The following MAPK10 variants were observed in gnomAD, a reference collection of about 807,000 sequenced individuals.
MAPK10 encodes the protein mitogen-activated protein kinase 10, also known as JNK3 alpha protein kinase.
Under a neutral mutation model 59.3 loss-of-function variants are expected in MAPK10, and 25 were observed. That is an observed-to-expected ratio of 0.42 (90% confidence interval 0.31 to 0.59). The LOEUF is 0.59. MAPK10 is among the 20% of genes least tolerant of loss of function. MAPK10 has a pLI of 0.15. For missense variants in MAPK10, 351 were observed against 568.9 expected, an observed-to-expected ratio of 0.62 and a Z score of 3.90; for synonymous variants, 190 against 200.5, an observed-to-expected ratio of 0.95 and a Z score of 0.44.
chr4:86,074,039 G>A (rs2149011171), intron 9 of MAPK10, among the ~76,000 whole-genome samples: 3 of 96,310 alleles, frequency 3.1e-5, no homozygotes, highest in African/African-American at 1.4e-4. Context: ...AAGTCTCTTT[G>A]TAGGTCACTC....
intron 1 of MAPK10, among the ~76,000 whole-genome samples, chr4:86,587,050 G>A (rs1310972268): frequency 1.3e-5 from 2 of 152,074 alleles, no homozygotes; most frequent in Non-Finnish European, 2.9e-5. Context: ...AAAAAATAGT[G>A]GCCTAAAGCT....
chr4:86,411,221 T>C (rs1745132684), intron 1 of MAPK10, among the ~76,000 whole-genome samples: 1 of 152,202 alleles, frequency 6.6e-6, no homozygotes, highest in Non-Finnish European at 1.5e-5. Flanking sequence ...TTGAGTGAGT[T>C]TCTTAATCCC....
At chr4:86,231,068 G>A (rs1198943481) in intron 2 of MAPK10, among the ~76,000 whole-genome samples, 3 of 152,140 alleles carry the variant, frequency 2.0e-5, no homozygotes, top group Admixed American at 2.0e-4. Context: ...CAAGACCAAC[G>A]CTAACAAGAA....
intron 2 of MAPK10, among the ~76,000 whole-genome samples, chr4:86,262,630 G>A (rs940727746): frequency 2.6e-5 from 4 of 152,098 alleles, no homozygotes; most frequent in African/African-American, 4.8e-5. Context: ...AGAATGTTTT[G>A]TTGAATAAAT....
chr4:86,569,424 T>C (rs1333542406), intron 1 of MAPK10, among the ~76,000 whole-genome samples: 1 of 152,128 alleles, frequency 6.6e-6, no homozygotes, highest in Non-Finnish European at 1.5e-5. Context: ...AGAACTGCCA[T>C]TTGATCCAGT....
chr4:86,480,587 G>T (rs1316729057), intron 1 of MAPK10, among the ~76,000 whole-genome samples: 1 of 152,110 alleles, frequency 6.6e-6, no homozygotes, highest in Non-Finnish European at 1.5e-5. Flanking sequence ...GACACAAAAT[G>T]AAGAAAAGAA....
At chr4:86,488,121 T>C (rs1006479543) in intron 1 of MAPK10, among the ~76,000 whole-genome samples, 1 of 152,072 alleles carries the variant, frequency 6.6e-6, no homozygotes, top group Non-Finnish European at 1.5e-5. Flanking sequence ...ACAGATTAGC[T>C]CACTGAAGGA....
chr4:86,279,138 G>C (rs950039399), intron 2 of MAPK10, among the ~76,000 whole-genome samples: 1 of 152,050 alleles, frequency 6.6e-6, no homozygotes, highest in Non-Finnish European at 1.5e-5. Flanking sequence ...TAAATTTTAT[G>C]TAAGTCTAAT....
rs552711177 is a variant in MAPK10 at position 86,429,446 on chromosome 4, CTGTT to C, written c.-122+23580_-122+23583del. 5.7e-3 allele frequency among the ~76,000 whole-genome samples: 872 copies of C among 152,264 alleles called. 6 individuals carry two copies. Among genetic ancestry groups the C allele is most frequent in the African/African-American group, 0.019 (778 of 41,562 alleles). On this transcript the variant is annotated intron_variant, in intron 1 of 13. Transcript: ENST00000361569. Reference sequence around the variant, plus strand: ...GCAGAGAAGCACAGAGATATCTTTTCTGTTTATTATTCTGTTATTATCATATATA... The same window carrying C: ...GCAGAGAAGCACAGAGATATCTTTTCTATTATTCTGTTATTATCATATATA...
intron 1 of MAPK10, among the ~76,000 whole-genome samples, chr4:86,487,730 C>CAA (rs556680512): frequency 6.3e-5 from 6 of 95,674 alleles, no homozygotes; most frequent in Admixed American, 2.0e-4. Context: ...GACTCTGTCT[C>CAA]AAAAAAAAAA....
Position 86,092,806 on chromosome 4 carries a change from C to A in MAPK10, c.802+5718G>T, listed in dbSNP as rs552922280. 5.3e-5 allele frequency among the ~76,000 whole-genome samples: 8 copies of A among 152,148 alleles called. No individual in the cohort carries two copies. In the South Asian group the frequency reaches 1.7e-3, roughly 32 times the overall value. ...CAGCATCTGGGTCTCTGTAAGAGTT[C>A]TGTACACTAATGCTGCCAAGGTAGA... is the stretch of plus-strand genomic sequence containing the variant. On this transcript the variant is annotated intron_variant, in intron 9 of 13. Coordinates refer to ENST00000641462, the MANE Select transcript of MAPK10 (RefSeq NM_138982.4).
At chr4:86,156,748 G>A (rs112731623) in intron 4 of MAPK10, among the ~76,000 whole-genome samples, 3,753 of 151,988 alleles carry the variant, frequency 0.025, 178 homozygotes, top group African/African-American at 0.085. Context: ...TTTTTGTTCC[G>A]GAGTTGGTAA....
chr4:86,168,796 C>T (rs560375291), intron 3 of MAPK10, among the ~76,000 whole-genome samples: 15 of 152,010 alleles, frequency 9.9e-5, no homozygotes, highest in Non-Finnish European at 2.1e-4. Flanking sequence ...CCGAGCAGCC[C>T]AACTGGGAGG....
intron 2 of MAPK10, among the ~76,000 whole-genome samples, chr4:86,204,276 A>G (rs1320196336): frequency 6.6e-6 from 1 of 152,008 alleles, no homozygotes; most frequent in Non-Finnish European, 1.5e-5. Context: ...AAATGCACAA[A>G]ATAATTTCTA....
intron 1 of MAPK10, among the ~76,000 whole-genome samples, chr4:86,504,353 G>A (rs1188283087): frequency 3.9e-5 from 6 of 152,026 alleles, no homozygotes; most frequent in Non-Finnish European, 8.8e-5. Context: ...CCAAAGATCT[G>A]GGAAGTAGTA....
chr4:86,076,057 G>A (rs1179149060), intron 9 of MAPK10, among the ~76,000 whole-genome samples: 27 of 152,036 alleles, frequency 1.8e-4, no homozygotes, highest in Non-Finnish European at 3.7e-4. Flanking sequence ...TTCCGTGGGC[G>A]TAGGACCCTC....
chr4:86,259,154 T>C (rs569403467), intron 2 of MAPK10, among the ~76,000 whole-genome samples: 2 of 152,244 alleles, frequency 1.3e-5, no homozygotes, highest in South Asian at 4.1e-4. Flanking sequence ...TAACTTCTAA[T>C]GTTCCCCAAG....
Position 86,055,228 on chromosome 4 carries a change from T to TATCTGCATCA in MAPK10, c.1110+9037_1110+9038insTGATGCAGAT, listed in dbSNP as rs1377015674. Reference sequence around the variant, plus strand: ...TATTATGGAAATAAAATCACTAACATGCTAAACATTACAGATACTTGAAAT... The same window carrying TATCTGCATCA: ...TATTATGGAAATAAAATCACTAACATATCTGCATCAGCTAAACATTACAGATACTTGAAAT... On this transcript the variant is annotated intron_variant, in intron 11 of 13. Coordinates refer to ENST00000641462, the MANE Select transcript of MAPK10 (RefSeq NM_138982.4). Among the ~76,000 whole-genome samples, 191 of 132,974 alleles carry TATCTGCATCA rather than the reference T, an allele frequency of 1.4e-3. 3 individuals are homozygous for TATCTGCATCA. Among genetic ancestry groups the TATCTGCATCA allele is most frequent in the Middle Eastern group, 4.3e-3 (1 of 230 alleles). The allele number at this position is 132,974 out of a possible 152,430, so 87.2% of individuals were successfully genotyped here.
intron 13 of MAPK10, chr4:86,027,932 G>T (rs1030122920): frequency 6.6e-6 from 1 of 152,220 alleles, no homozygotes; most frequent in Non-Finnish European, 1.5e-5. Context: ...ATGATAACTT[G>T]AACTGAAGAT....
Sources: allele counts gnomAD v4.1 joint callset (sites outside exome capture counted in the v4.1 genomes callset), GRCh38; gene constraint gnomAD v4.1.1; transcripts MANE v1.5; gene names NCBI Gene and HGNC (gene_info 2026-07-23, HGNC 2026-07-21).